Variants in KCNMA1 observed in about 807,000 individuals in gnomAD.
KCNMA1 encodes the protein potassium calcium-activated channel subfamily M alpha 1, also known as Calcium-activated potassium channel subunit alpha-1.
In KCNMA1, 29 loss-of-function variants were observed where a neutral mutation model predicts 140.0. The ratio of observed to expected loss-of-function variants is 0.21; its 90% CI spans 0.15 to 0.28. KCNMA1 has a LOEUF of 0.28. KCNMA1 is among the 10% of genes least tolerant of loss of function. The probability of loss-of-function intolerance (pLI) is 1.00; values close to 1 mark genes in which losing one functional copy is unlikely to be tolerated. For synonymous variants in KCNMA1, 612 were observed against 611.9 expected (o/e 1.00, Z 0.00); for missense variants, 880 against 1,602.2 (o/e 0.55, Z 7.70).
chr10:76,884,028 C>T (rs1458281430), downstream of KCNMA1: 1 of 970,774 alleles, frequency 1.0e-6, no homozygotes. Flanking sequence ...TCCAGGAAAA[C>T]CTCAAAATTC....
At chr10:77,249,602 C>A (rs1391136509) in intron 3 of KCNMA1, 1 of 152,268 alleles carries the variant, frequency 6.6e-6, no homozygotes, top group South Asian at 2.1e-4. Context: ...GACATACAAG[C>A]TTCAAGCCCA....
chr10:77,453,617 C>A (rs1044224524), intron 1 of KCNMA1, among the ~76,000 whole-genome samples: 5 of 152,032 alleles, frequency 3.3e-5, no homozygotes, highest in African/African-American at 1.2e-4. Flanking sequence ...GAAGGAGGAC[C>A]CCAGCAGGGC....
At chr10:77,336,607 G>A (rs576211290) in intron 2 of KCNMA1, among the ~76,000 whole-genome samples, 4 of 152,182 alleles carry the variant, frequency 2.6e-5, no homozygotes, top group Non-Finnish European at 5.9e-5. Flanking sequence ...TTAAAATTTA[G>A]AATGCTATTT....
intron 20 of KCNMA1, among the ~76,000 whole-genome samples, chr10:76,966,948 A>G (rs1365434469): frequency 1.3e-5 from 2 of 152,194 alleles, no homozygotes; most frequent in Non-Finnish European, 2.9e-5. Flanking sequence ...AAGGCTGTTC[A>G]CCTAATGATC....
rs1008710836 is a variant in KCNMA1, at chr10:77,529,604, G to A, written c.378+107661C>T. 4.6e-5 allele frequency among the ~76,000 whole-genome samples: 7 copies of A among 152,158 alleles called. No individual in the cohort carries two copies. In the South Asian group the frequency reaches 6.2e-4, roughly 14 times the overall value. On this transcript the variant is annotated intron_variant, in intron 1 of 27. Transcript: ENST00000286628. ...CAGAGAAATTATATAAATAACAAAT[G>A]AGTTAAAACTACAGACTATTATCTA... is the stretch of plus-strand genomic sequence containing the variant.
chr10:77,235,851 C>A (rs1160163747), intron 3 of KCNMA1, among the ~76,000 whole-genome samples: 2 of 152,148 alleles, frequency 1.3e-5, no homozygotes, highest in African/African-American at 4.8e-5. Context: ...TAACTTTGCC[C>A]AAAGAGAGGC....
intron 1 of KCNMA1, among the ~76,000 whole-genome samples, chr10:77,536,638 G>C (rs1319656036): frequency 1.3e-5 from 2 of 152,152 alleles, no homozygotes; most frequent in East Asian, 1.9e-4. Flanking sequence ...ACTTACTCAG[G>C]TTCCCACAGC....
intron 1 of KCNMA1, among the ~76,000 whole-genome samples, chr10:77,448,559 C>A (rs1184432682): frequency 6.6e-6 from 1 of 152,168 alleles, no homozygotes; most frequent in Non-Finnish European, 1.5e-5. Context: ...TCAGCAGCGA[C>A]ATCTAAATTT....
At chr10:76,875,087 T>C (rs535858242), downstream of KCNMA1, 1 of 152,312 alleles carries the variant, frequency 6.6e-6, no homozygotes, top group East Asian at 1.9e-4. Flanking sequence ...GCTCAACAAG[T>C]AGGAACAAGC....
chr10:76,964,608 T>A (rs2073127369), intron 20 of KCNMA1, among the ~76,000 whole-genome samples: 1 of 152,190 alleles, frequency 6.6e-6, no homozygotes, highest in Non-Finnish European at 1.5e-5. Context: ...TGTCCCTGCC[T>A]TCCTTCTTTC....
chr10:77,600,263 T>G (rs920447223), intron 1 of KCNMA1, among the ~76,000 whole-genome samples: 3 of 152,042 alleles, frequency 2.0e-5, no homozygotes, highest in Non-Finnish European at 4.4e-5. Flanking sequence ...AGATGAAGAG[T>G]GACCCAGAGT....
intron 5 of KCNMA1, among the ~76,000 whole-genome samples, chr10:77,132,734 A>G (rs968585102): frequency 6.6e-6 from 1 of 152,184 alleles, no homozygotes; most frequent in African/African-American, 2.4e-5. Context: ...TATTGTCACA[A>G]TTCTCCTGGC....
chr10:77,146,136 A>G (rs2098284125), intron 5 of KCNMA1, among the ~76,000 whole-genome samples: 1 of 152,224 alleles, frequency 6.6e-6, no homozygotes, highest in African/African-American at 2.4e-5. Context: ...GCTGTTTACA[A>G]TCTACATTTG....
chr10:77,152,132 G>C (rs1597314873), intron 5 of KCNMA1, among the ~76,000 whole-genome samples: 1 of 152,126 alleles, frequency 6.6e-6, no homozygotes, highest in Admixed American at 6.5e-5. Context: ...TTTTCATCTT[G>C]TCATCTCAGC....
chr10:77,018,796 G>A (rs1157882192), intron 17 of KCNMA1, among the ~76,000 whole-genome samples: 2 of 152,130 alleles, frequency 1.3e-5, no homozygotes, highest in African/African-American at 4.8e-5. Flanking sequence ...AAATAAATGA[G>A]CAGGTAACTA....
intron 16 of KCNMA1, among the ~76,000 whole-genome samples, chr10:77,024,635 T>C (rs2093221501): frequency 6.6e-6 from 1 of 151,740 alleles, no homozygotes; most frequent in Admixed American, 6.6e-5. Context: ...CAAAACAGGG[T>C]GAAATCACAT....
chr10:77,583,732 A>C (rs2076465643), intron 1 of KCNMA1, among the ~76,000 whole-genome samples: 1 of 152,126 alleles, frequency 6.6e-6, no homozygotes, highest in Non-Finnish European at 1.5e-5. Flanking sequence ...GTTGATTCTT[A>C]GTGGTTTGGG....
At chr10:77,083,856 G>A (rs2096637937) in intron 12 of KCNMA1, among the ~76,000 whole-genome samples, 1 of 143,038 alleles carries the variant, frequency 7.0e-6, no homozygotes, top group African/African-American at 2.6e-5. Flanking sequence ...ACGGGGGGGG[G>A]TTGGGGGAGG....
intron 2 of KCNMA1, among the ~76,000 whole-genome samples, chr10:77,393,008 G>C (rs754108060): frequency 6.6e-6 from 1 of 152,182 alleles, no homozygotes; most frequent in African/African-American, 2.4e-5. Context: ...AGCCCAGCCC[G>C]TTCTCCAGTC....
Sources: allele counts gnomAD v4.1 joint callset (sites outside exome capture counted in the v4.1 genomes callset), GRCh38; gene constraint gnomAD v4.1.1; transcripts MANE v1.5; gene names NCBI Gene and HGNC (gene_info 2026-07-23, HGNC 2026-07-21).